PCDH11Y: variants seen among roughly 807,000 people sequenced by gnomAD.
The protein encoded by PCDH11Y is protocadherin-11 Y-linked.
For missense variants in PCDH11Y, 12 were observed against 224.8 expected, an observed-to-expected ratio of 0.05 and a Z score of 6.05; for synonymous variants, 9 against 83.6, an observed-to-expected ratio of 0.11 and a Z score of 4.87.
chrY:5,377,274 T>G, intron 2 of PCDH11Y, among the ~76,000 whole-genome samples: 2 of 23,234 alleles, frequency 8.6e-5, no homozygotes, highest in African/African-American at 3.4e-4. Context: ...TTACTTTGTT[T>G]TGGTTTATTT....
chrY:5,208,491 G>A, intron 2 of PCDH11Y, among the ~76,000 whole-genome samples: 1 of 33,381 alleles, frequency 3.0e-5, no homozygotes, highest in African/African-American at 1.2e-4. Flanking sequence ...TTCTTATTGC[G>A]TTATTAATAT....
chrY:5,067,231 G>A, intron 1 of PCDH11Y, among the ~76,000 whole-genome samples: 3 of 31,772 alleles, frequency 9.4e-5, no homozygotes, highest in East Asian at 8.3e-4. Context: ...ACTAGTTTAC[G>A]TGTAAGGTAA....
At chrY:5,068,542 C>CTGTGTGTGTG (rs3067360) in intron 1 of PCDH11Y, among the ~76,000 whole-genome samples, 40 of 21,793 alleles carry the variant, frequency 1.8e-3, no homozygotes, top group East Asian at 6.1e-3. Flanking sequence ...TTTGTGTCCT[C>CTGTGTGTGTG]TGTGTGTGTG....
At chrY:5,004,854 C>T in intron 1 of PCDH11Y, among the ~76,000 whole-genome samples, 1 of 33,821 alleles carries the variant, frequency 3.0e-5, no homozygotes, top group East Asian at 7.7e-4. Context: ...TGGCATGGGC[C>T]TCTTTGAGCC....
chrY:5,114,267 G>C (rs207480128), intron 2 of PCDH11Y, among the ~76,000 whole-genome samples: 13 of 31,577 alleles, frequency 4.1e-4, no homozygotes, highest in African/African-American at 1.5e-3. Flanking sequence ...ATTCTATCTC[G>C]TACCTTGCCA....
At chrY:5,628,698 A>C (rs1163461065) in intron 4 of PCDH11Y, among the ~76,000 whole-genome samples, 54 of 33,967 alleles carry the variant, frequency 1.6e-3, no homozygotes, top group South Asian at 2.6e-3. Flanking sequence ...CTTCTTTGAG[A>C]TAAGTATTAT....
At chrY:5,137,523 GACTC>G (rs2052841961) in intron 2 of PCDH11Y, among the ~76,000 whole-genome samples, 1 of 32,088 alleles carries the variant, frequency 3.1e-5, no homozygotes, top group Non-Finnish European at 7.6e-5. Flanking sequence ...GTCTTCAAGA[GACTC>G]ACTAACACAT....
Position 5,399,411 on chromosome Y carries a change from G to A in PCDH11Y, c.3130-101646G>A, listed in dbSNP as rs1436905964. Reference sequence around the variant, plus strand: ...ATTATTGTTGTTATGATATTAGCAGGCAATATGATGCAGACGTGCTGGCAA... The same window carrying A: ...ATTATTGTTGTTATGATATTAGCAGACAATATGATGCAGACGTGCTGGCAA... On this transcript the variant is annotated intron_variant, in intron 2 of 4. Transcript: ENST00000400457. Among the ~76,000 whole-genome samples the A allele has an allele frequency of 3.6e-4, 11 of 30,458 alleles. No homozygotes were observed. In the East Asian group the frequency reaches 9.2e-3, roughly 25 times the overall value. The allele number at this position is 30,458 out of a possible 37,273, so 81.7% of individuals were successfully genotyped here.
intron 3 of PCDH11Y, among the ~76,000 whole-genome samples, chrY:5,559,663 A>C: frequency 6.2e-5 from 2 of 32,258 alleles, no homozygotes; most frequent in Non-Finnish European, 1.5e-4. Context: ...TTAAAAACGG[A>C]AGTTTCCCTG....
intron 4 of PCDH11Y, among the ~76,000 whole-genome samples, chrY:5,651,654 C>A: frequency 9.8e-5 from 3 of 30,727 alleles, no homozygotes; most frequent in Non-Finnish European, 2.4e-4. Context: ...ACAGTAAAGA[C>A]AAGATATGTT....
chrY:5,399,105 A>G, intron 2 of PCDH11Y, among the ~76,000 whole-genome samples: 1 of 33,572 alleles, frequency 3.0e-5, no homozygotes. Context: ...ATAAAACATT[A>G]TATTTTCACA....
chrY:5,637,773 A>G, intron 4 of PCDH11Y, among the ~76,000 whole-genome samples: 1 of 29,852 alleles, frequency 3.3e-5, no homozygotes, highest in Non-Finnish European at 8.0e-5. Context: ...TCTTTCCTCA[A>G]CCTTACAAAA....
intron 2 of PCDH11Y, among the ~76,000 whole-genome samples, chrY:5,427,475 C>A: frequency 9.2e-5 from 3 of 32,481 alleles, no homozygotes; most frequent in African/African-American, 2.4e-4. Context: ...AGGGACATTG[C>A]AATGTACTAT....
chrY:5,409,819 C>T (rs2053244725), intron 2 of PCDH11Y, among the ~76,000 whole-genome samples: 1 of 33,453 alleles, frequency 3.0e-5, no homozygotes, highest in Non-Finnish European at 7.3e-5. Context: ...ATTATCTTGG[C>T]TAGGTCCTCC....
chrY:5,546,874 T>C, intron 3 of PCDH11Y, among the ~76,000 whole-genome samples: 1 of 33,240 alleles, frequency 3.0e-5, no homozygotes, highest in African/African-American at 1.2e-4. Flanking sequence ...ATATAATGTA[T>C]GTAAAGCTCC....
intron 2 of PCDH11Y, among the ~76,000 whole-genome samples, chrY:5,138,842 CT>C (rs2052844283): frequency 3.1e-5 from 1 of 32,728 alleles, no homozygotes; most frequent in African/African-American, 1.2e-4. Flanking sequence ...ACAAATTTTA[CT>C]GAAACTATAC....
chrY:5,531,156 T>C, intron 3 of PCDH11Y, among the ~76,000 whole-genome samples: 2 of 32,011 alleles, frequency 6.2e-5, no homozygotes, highest in African/African-American at 1.2e-4. Flanking sequence ...CATTTTATAT[T>C]TTCAATATGA....
At chrY:5,113,496 C>T in intron 2 of PCDH11Y, among the ~76,000 whole-genome samples, 1 of 28,940 alleles carries the variant, frequency 3.5e-5, no homozygotes, top group Non-Finnish European at 8.1e-5. Context: ...CAAACTCCTA[C>T]TGTGAGTAAG....
intron 2 of PCDH11Y, among the ~76,000 whole-genome samples, chrY:5,244,041 G>A (rs2124655859): frequency 3.0e-5 from 1 of 33,294 alleles, no homozygotes; most frequent in Admixed American, 2.7e-4. Context: ...TTCAGCAAGT[G>A]CAAAGGAACT....
Sources: allele counts gnomAD v4.1 joint callset (sites outside exome capture counted in the v4.1 genomes callset), GRCh38; gene constraint gnomAD v4.1.1; transcripts MANE v1.5; gene names NCBI Gene and HGNC (gene_info 2026-07-23, HGNC 2026-07-21).